FRMD4B: variants seen among roughly 807,000 people sequenced by gnomAD.
FRMD4B encodes FERM domain containing 4B.
FRMD4B carries 74 observed loss-of-function variants against 141.5 expected under a neutral mutation model. The observed-to-expected ratio is 0.52, with a 90% CI of 0.43 to 0.63. The LOEUF (loss-of-function observed/expected upper bound fraction) is 0.63, where lower values mean the gene tolerates loss of function less well. Among genes scored for constraint, FRMD4B ranks in the 30% least tolerant of loss-of-function variants. FRMD4B has a pLI of 0.00. For missense variants in FRMD4B, 1,366 were observed against 1,253.4 expected (o/e 1.09, Z -1.36); for synonymous variants, 506 against 467.9 (o/e 1.08, Z -1.05).
At chr3:69,228,311 A>G (rs1428318453) in intron 7 of FRMD4B, 1 of 456,626 alleles carries the variant, frequency 2.2e-6, no homozygotes, top group African/African-American at 2.0e-5. Context: ...CTCTTATGTC[A>G]CTCTGAATAT....
upstream of FRMD4B, among the ~76,000 whole-genome samples, chr3:69,389,275 C>T (rs1288080528): frequency 6.6e-6 from 1 of 152,136 alleles, no homozygotes; most frequent in Non-Finnish European, 1.5e-5. Flanking sequence ...TCGTGATCCT[C>T]CCCCCTCGGC....
intron 1 of FRMD4B, among the ~76,000 whole-genome samples, chr3:69,339,023 C>A (rs1034114700): frequency 1.3e-5 from 2 of 152,114 alleles, no homozygotes; most frequent in African/African-American, 2.4e-5. Flanking sequence ...ACGCATCCCC[C>A]GCCATTTGCT....
chr3:69,455,880 C>T (rs1047649336), intron 1 of FRMD4B, among the ~76,000 whole-genome samples: 5 of 152,188 alleles, frequency 3.3e-5, no homozygotes, highest in Admixed American at 1.3e-4. Flanking sequence ...GACTTCTACT[C>T]TAGGTTCAGG....
intron 5 of FRMD4B, among the ~76,000 whole-genome samples, chr3:69,256,179 AAC>A (rs2093491827): frequency 6.6e-6 from 1 of 152,234 alleles, no homozygotes; most frequent in African/African-American, 2.4e-5. Context: ...CAAGCCAACA[AAC>A]AGTGCAAAGA....
chr3:69,512,565 A>G (rs1575596501), intron 1 of FRMD4B, among the ~76,000 whole-genome samples: 1 of 152,284 alleles, frequency 6.6e-6, no homozygotes, highest in East Asian at 1.9e-4. Flanking sequence ...ATCCATGATG[A>G]TGGGTGAGCT....
At chr3:69,366,208 C>T (rs891344863) in intron 1 of FRMD4B, among the ~76,000 whole-genome samples, 4 of 150,340 alleles carry the variant, frequency 2.7e-5, no homozygotes, top group South Asian at 2.1e-4. Context: ...TGCAGTGGGC[C>T]GAGATTGCAT....
At chr3:69,468,934 T>C (rs1028512550) in intron 1 of FRMD4B, among the ~76,000 whole-genome samples, 1 of 152,186 alleles carries the variant, frequency 6.6e-6, no homozygotes, top group Admixed American at 6.5e-5. Flanking sequence ...ACCTATGGCC[T>C]GTATAGTCCG....
At chr3:69,329,993 C>A (rs1166148375) in intron 1 of FRMD4B, among the ~76,000 whole-genome samples, 1 of 152,112 alleles carries the variant, frequency 6.6e-6, no homozygotes, top group African/African-American at 2.4e-5. Flanking sequence ...TGATGAAGGT[C>A]TCCTGACCTT....
chr3:69,220,039 G>A (rs1406693594), intron 9 of FRMD4B, among the ~76,000 whole-genome samples: 6 of 152,152 alleles, frequency 3.9e-5, no homozygotes, highest in Non-Finnish European at 8.8e-5. Context: ...CATTTGGGTT[G>A]ATTCCATGTC....
At chr3:69,442,329 G>T (rs1705354617) in intron 1 of FRMD4B, among the ~76,000 whole-genome samples, 1 of 152,080 alleles carries the variant, frequency 6.6e-6, no homozygotes, top group Admixed American at 6.5e-5. Context: ...TGAACCTCCT[G>T]CTTCAGCCTC....
At chr3:69,279,746 C>T (rs1436272236) in intron 5 of FRMD4B, among the ~76,000 whole-genome samples, 1 of 99,580 alleles carries the variant, frequency 1.0e-5, no homozygotes, top group Admixed American at 1.1e-4. Context: ...TCTTCCCCTC[C>T]TCCTCCCCTC....
At chr3:69,194,909 A>G in intron 16 of FRMD4B, 113 bp downstream of exon 16, 2 of 917,036 alleles carry the variant, frequency 2.2e-6, no homozygotes, top group Non-Finnish European at 3.3e-6. Flanking sequence ...ATCCATCTGT[A>G]CTGGTGAGAT....
chr3:69,242,100 T>G (rs1029589148), intron 7 of FRMD4B, among the ~76,000 whole-genome samples: 3 of 152,082 alleles, frequency 2.0e-5, no homozygotes, highest in African/African-American at 7.2e-5. Context: ...ATATTAATAA[T>G]AGTAACGATG....
intron 2 of FRMD4B, among the ~76,000 whole-genome samples, chr3:69,417,264 T>A (rs1559521612): frequency 6.6e-6 from 1 of 152,232 alleles, no homozygotes; most frequent in Non-Finnish European, 1.5e-5. Context: ...TGAGATGGTA[T>A]CTCATTGTGG....
At chr3:69,506,500 C>T (rs1304876167) in intron 1 of FRMD4B, among the ~76,000 whole-genome samples, 1 of 151,590 alleles carries the variant, frequency 6.6e-6, no homozygotes, top group African/African-American at 2.4e-5. Flanking sequence ...TGTATTAATT[C>T]CTCAGAGTAA....
At chr3:69,327,033 A>G (rs1702212216) in intron 1 of FRMD4B, among the ~76,000 whole-genome samples, 1 of 152,318 alleles carries the variant, frequency 6.6e-6, no homozygotes, top group East Asian at 1.9e-4. Flanking sequence ...TGGAACTAAG[A>G]AAAGCTGAGA....
chr3:69,321,550 T>C (rs1458307368), intron 1 of FRMD4B, among the ~76,000 whole-genome samples: 1 of 152,110 alleles, frequency 6.6e-6, no homozygotes, highest in Non-Finnish European at 1.5e-5. Context: ...CCTACAGTGG[T>C]CCAAAACTGT....
At chr3:69,396,299 G>C (rs1336157464) in intron 2 of FRMD4B, among the ~76,000 whole-genome samples, 2 of 152,128 alleles carry the variant, frequency 1.3e-5, no homozygotes, top group African/African-American at 2.4e-5. Flanking sequence ...TTGAGGTCGA[G>C]TTCTAGACCA....
At chr3:69,214,706 C>A (rs12636686) in intron 11 of FRMD4B, among the ~76,000 whole-genome samples, 106,506 of 151,682 alleles carry the variant, frequency 0.7, 38,745 homozygotes, top group Non-Finnish European at 0.79. Context: ...AAAAAACTTT[C>A]TAAAAATGAT....
Sources: gnomAD v4.1 joint callset for allele counts (sites outside exome capture counted in the v4.1 genomes callset) on GRCh38, gnomAD v4.1.1 for gene constraint, MANE v1.5 for transcripts, NCBI Gene and HGNC (gene_info 2026-07-23, HGNC 2026-07-21) for gene names.